The following PPP1R12B variants were observed in gnomAD, a reference collection of about 807,000 sequenced individuals.
The protein encoded by PPP1R12B is myosin phosphatase target subunit 2.
A neutral mutation model predicts 126.1 loss-of-function variants in PPP1R12B; 76 were observed. The observed-to-expected ratio is 0.60, with a 90% CI of 0.50 to 0.73. The LOEUF is 0.73. PPP1R12B is among the 30% of genes least tolerant of loss of function. The pLI is 0.00. For missense variants in PPP1R12B, 1,052 were observed against 1,205.1 expected (o/e 0.87, Z 1.88); for synonymous variants, 356 against 434.7 (o/e 0.82, Z 2.25).
intron 18 of PPP1R12B, among the ~76,000 whole-genome samples, chr1:202,518,122 A>G (rs945625257): frequency 6.6e-6 from 1 of 152,224 alleles, no homozygotes; most frequent in African/African-American, 2.4e-5. Flanking sequence ...ATGAAAATGT[A>G]TCTCTGGGAA....
chr1:202,462,884 C>T (rs1674497559), intron 13 of PPP1R12B: 1 of 985,162 alleles, frequency 1.0e-6, no homozygotes, highest in Non-Finnish European at 1.2e-6. Context: ...ATAGCTTGAC[C>T]TGCTTTCACC....
intron 18 of PPP1R12B, among the ~76,000 whole-genome samples, chr1:202,517,712 G>A (rs1386057092): frequency 9.9e-5 from 15 of 150,800 alleles, no homozygotes; most frequent in African/African-American, 3.7e-4. Context: ...TGCAACCTCC[G>A]CCTCCCAGGT....
At chr1:202,351,151 A>G (rs1360160578) in intron 1 of PPP1R12B, among the ~76,000 whole-genome samples, 2 of 152,130 alleles carry the variant, frequency 1.3e-5, no homozygotes, top group Non-Finnish European at 2.9e-5. Flanking sequence ...TATTGGCTTC[A>G]GAACATTACA....
chr1:202,377,865 G>C (rs1335425473), intron 1 of PPP1R12B, among the ~76,000 whole-genome samples: 4 of 103,400 alleles, frequency 3.9e-5, no homozygotes, highest in East Asian at 5.4e-4. Flanking sequence ...TTTTTGAGAC[G>C]GAGTCTCGCT....
intron 1 of PPP1R12B, among the ~76,000 whole-genome samples, chr1:202,387,930 A>G (rs1486355224): frequency 2.6e-5 from 4 of 152,186 alleles, no homozygotes; most frequent in Non-Finnish European, 5.9e-5. Flanking sequence ...TGGGATTAAC[A>G]CATAGTTATG....
At chr1:202,507,831 T>C (rs1485990459) in intron 18 of PPP1R12B, among the ~76,000 whole-genome samples, 6 of 152,260 alleles carry the variant, frequency 3.9e-5, no homozygotes, top group Non-Finnish European at 7.3e-5. Context: ...GAAGTATTCA[T>C]TTCTCCTGTT....
intron 1 of PPP1R12B, among the ~76,000 whole-genome samples, chr1:202,403,669 T>C (rs1266946662): frequency 6.6e-6 from 1 of 152,246 alleles, no homozygotes; most frequent in Admixed American, 6.5e-5. Context: ...TTATTTAATA[T>C]GGAAAGGGCA....
chr1:202,484,785 T>G (rs1179468625), intron 13 of PPP1R12B, among the ~76,000 whole-genome samples: 1 of 152,196 alleles, frequency 6.6e-6, no homozygotes, highest in African/African-American at 2.4e-5. Flanking sequence ...GGTTCATTTT[T>G]TTCCCCCAAA....
At chr1:202,489,028 G>A (rs1384366412) in intron 14 of PPP1R12B, among the ~76,000 whole-genome samples, 3 of 152,148 alleles carry the variant, frequency 2.0e-5, no homozygotes, top group Admixed American at 2.0e-4. Context: ...GACAGAGCGA[G>A]ACTCCATCTC....
At chr1:202,513,309 T>A (rs1681754509) in intron 18 of PPP1R12B, among the ~76,000 whole-genome samples, 1 of 152,106 alleles carries the variant, frequency 6.6e-6, no homozygotes, top group African/African-American at 2.4e-5. Context: ...GAATATCTAG[T>A]ATTTAGGTAT....
At chr1:202,531,032 A>G (rs554387831) in intron 18 of PPP1R12B, among the ~76,000 whole-genome samples, 2 of 152,314 alleles carry the variant, frequency 1.3e-5, no homozygotes, top group East Asian at 3.9e-4. Context: ...ATTAAATGTG[A>G]GTTATCATTA....
chr1:202,423,327 G>A (rs1249746266), intron 3 of PPP1R12B, among the ~76,000 whole-genome samples: 5 of 151,962 alleles, frequency 3.3e-5, no homozygotes, highest in Admixed American at 6.6e-5. Context: ...AAAACTCTGC[G>A]GACAAGATTT....
chr1:202,443,474 G>A (rs1671874476), intron 12 of PPP1R12B, among the ~76,000 whole-genome samples: 1 of 152,210 alleles, frequency 6.6e-6, no homozygotes, highest in Non-Finnish European at 1.5e-5. Context: ...TTGTCAACTA[G>A]TTATTGTTGA....
chr1:202,516,665 A>G (rs1463696677), intron 18 of PPP1R12B, among the ~76,000 whole-genome samples: 1 of 152,202 alleles, frequency 6.6e-6, no homozygotes, highest in Non-Finnish European at 1.5e-5. Context: ...ACAGGGTTCA[A>G]ACAGATCTAA....
Position 202,462,736 on chromosome 1 carries a change from A to G in PPP1R12B, c.1850+13565A>G, listed in dbSNP as rs1168708161. 5 of 973,804 alleles carry G rather than the reference A, an allele frequency of 5.1e-6. No individual in the cohort carries two copies. The African/African-American group carries it at 8.8e-5, about 17-fold the overall frequency. 60.3% of individuals were successfully genotyped at this position (973,804 alleles called of 1,614,324 possible). A position where few individuals can be genotyped will look rare whatever the true frequency, so the allele number is the denominator to read the frequency against. On this transcript the variant is annotated intron_variant, in intron 13 of 23. Coordinates refer to ENST00000608999, the MANE Select transcript of PPP1R12B (RefSeq NM_002481.4). ...ATCAGTTGATTTTCCCATGTTAGAA[A>G]AGGACAGTTGCTGGTACAATCTCAT...
chr1:202,549,079 A>G (rs1686025182), intron 18 of PPP1R12B, among the ~76,000 whole-genome samples: 1 of 152,136 alleles, frequency 6.6e-6, no homozygotes. Flanking sequence ...TGAAGACTCA[A>G]GTTCCCTATT....
Position 202,581,867 on chromosome 1 carries a change from A to G in PPP1R12B, c.*1307A>G, listed in dbSNP as rs1167493431. On this transcript the variant is annotated 3_prime_UTR_variant, in exon 24 of 24. Coordinates refer to ENST00000608999, the MANE Select transcript of PPP1R12B (RefSeq NM_002481.4). The stretch of plus-strand genomic sequence containing the variant: ...TAATAGAGGTTTAATGGAATGAAGT[A>G]CTTTCAACCCATTGATGAGAGTCAT... The G allele has an allele frequency of 6.6e-6, 1 of 152,262 alleles. No individual in the cohort carries two copies. Among genetic ancestry groups the G allele is most frequent in the African/African-American group, 2.4e-5 (1 of 41,468 alleles). The allele number at this position is 152,262 out of a possible 1,614,324, so 9.4% of individuals were successfully genotyped here. A position where few individuals can be genotyped will look rare whatever the true frequency, so the allele number is the denominator to read the frequency against.
intron 1 of PPP1R12B, among the ~76,000 whole-genome samples, chr1:202,352,851 G>A (rs1656274119): frequency 6.6e-6 from 1 of 151,546 alleles, no homozygotes; most frequent in Non-Finnish European, 1.5e-5. Context: ...TCACACCACT[G>A]CACTCCAGCC....
intron 18 of PPP1R12B, among the ~76,000 whole-genome samples, chr1:202,498,928 C>T (rs889015107): frequency 1.3e-5 from 2 of 152,134 alleles, no homozygotes; most frequent in African/African-American, 4.8e-5. Flanking sequence ...CCTTCTCTTA[C>T]CTAGTCCACT....
Sources: allele counts gnomAD v4.1 joint callset (sites outside exome capture counted in the v4.1 genomes callset), GRCh38; gene constraint gnomAD v4.1.1; transcripts MANE v1.5; gene names NCBI Gene and HGNC (gene_info 2026-07-23, HGNC 2026-07-21).